The following TPST2 variants were observed in gnomAD, a reference collection of about 807,000 sequenced individuals.
The protein encoded by TPST2 is tyrosylprotein sulfotransferase 2, also known as protein-tyrosine sulfotransferase 2.
Under a neutral mutation model 27.8 loss-of-function variants are expected in TPST2, and 16 were observed. That is an observed-to-expected ratio of 0.58 (90% CI 0.39 to 0.88). The LOEUF (loss-of-function observed/expected upper bound fraction) is 0.88, where lower values mean the gene tolerates loss of function less well. TPST2 is among the 40% of genes least tolerant of loss of function. The probability of loss-of-function intolerance (pLI) is 0.00; values close to 1 mark genes in which losing one functional copy is unlikely to be tolerated. For missense variants in TPST2, 464 were observed against 543.1 expected (o/e 0.85, Z 1.45); for synonymous variants, 229 against 231.7 (o/e 0.99, Z 0.10).
At position 26,554,638 on chromosome 22, in the gene TPST2, C is replaced by A. The variant is rs192067728; in HGVS notation, c.-160-9963G>T. Among the ~76,000 whole-genome samples the A allele has an allele frequency of 6.0e-4, 91 of 152,330 alleles. 3 individuals carry two copies. The East Asian group carries it at 0.012, about 20-fold the overall frequency. ...CTGTGAAATGGGGAGGCCATTAACACTTGTGAAGACTAAATAAATAAACTT... is the reference window on the plus strand; with the variant it reads ...CTGTGAAATGGGGAGGCCATTAACAATTGTGAAGACTAAATAAATAAACTT... On this transcript the variant is annotated intron_variant, in intron 1 of 6. Coordinates refer to ENST00000338754, the MANE Select transcript of TPST2 (RefSeq NM_003595.5).
intron 1 of TPST2, among the ~76,000 whole-genome samples, chr22:26,583,225 A>T (rs1366402164): frequency 6.6e-6 from 1 of 151,508 alleles, no homozygotes; most frequent in Non-Finnish European, 1.5e-5. Context: ...ACTTGAGGTG[A>T]GGAGTTCAAG....
rs1360601610 is a variant in TPST2, at chr22:26,523,925, A to C, written c.*2350T>G. ...TGTTTTCCCAGGAAGTTCTCTGAAC[A>C]TCCAGGGTCTTCACAGATGGACTTC... On this transcript the variant is annotated 3_prime_UTR_variant, in exon 7 of 7. Transcript: ENST00000338754. 2 of 152,136 alleles carry C rather than the reference A, an allele frequency of 1.3e-5. No homozygotes were observed. Among genetic ancestry groups the C allele is most frequent in the Non-Finnish European group, 2.9e-5 (2 of 68,026 alleles). 9.4% of individuals were successfully genotyped at this position (152,136 alleles called of 1,614,324 possible).
At chr22:26,562,515 C>G (rs9608506) in intron 1 of TPST2, among the ~76,000 whole-genome samples, 35,267 of 152,086 alleles carry the variant, frequency 0.23, 4,264 homozygotes, top group Non-Finnish European at 0.26. Context: ...AGGCATAAGT[C>G]TCTTTGGAGT....
intron 1 of TPST2, among the ~76,000 whole-genome samples, chr22:26,582,359 A>G (rs1386439354): frequency 6.6e-6 from 1 of 152,138 alleles, no homozygotes; most frequent in Non-Finnish European, 1.5e-5. Context: ...CCCGGGAGGC[A>G]GAGGTTGCAG....
intron 1 of TPST2, among the ~76,000 whole-genome samples, chr22:26,571,954 T>C (rs1408152731): frequency 1.3e-5 from 2 of 152,130 alleles, no homozygotes; most frequent in Non-Finnish European, 1.5e-5. Context: ...CCTGTCCCCA[T>C]ATGGTGGCAT....
At chr22:26,587,957 A>T (rs977337559) in intron 1 of TPST2, among the ~76,000 whole-genome samples, 27 of 151,978 alleles carry the variant, frequency 1.8e-4, no homozygotes, top group Admixed American at 2.6e-4. Flanking sequence ...AAAATAAATT[A>T]AAAAAATATT....
chr22:26,550,618 G>A (rs1926416441), intron 1 of TPST2: 2 of 985,618 alleles, frequency 2.0e-6, no homozygotes, highest in African/African-American at 1.7e-5. Flanking sequence ...AGGGCCCAGT[G>A]CCCACGTGCT....
chr22:26,588,296 C>T (rs1928420523), intron 1 of TPST2, among the ~76,000 whole-genome samples: 1 of 151,808 alleles, frequency 6.6e-6, no homozygotes, highest in South Asian at 2.1e-4. Flanking sequence ...CCAAAGGCCA[C>T]ATAGTATATG....
rs142543751 is a variant in TPST2, at chr22:26,565,215, G to A, written c.-160-20540C>T. On this transcript the variant is annotated intron_variant, in intron 1 of 6. Coordinates refer to ENST00000338754, the MANE Select transcript of TPST2 (RefSeq NM_003595.5). Reference sequence around the variant, plus strand: ...GCAGAGCCAAGCAGCAAGAGATGAGGTTTCAAACCTGAGAGCGGTACAGGC... The same window carrying A: ...GCAGAGCCAAGCAGCAAGAGATGAGATTTCAAACCTGAGAGCGGTACAGGC... The A allele has an allele frequency of 4.6e-5, 7 of 152,560 alleles. No individual in the cohort carries two copies. The East Asian group carries it at 1.3e-3, about 29-fold the overall frequency. 9.5% of individuals were successfully genotyped at this position (152,560 alleles called of 1,614,324 possible).
At chr22:26,529,284 G>A (rs1024863265) in intron 5 of TPST2, among the ~76,000 whole-genome samples, 1 of 152,028 alleles carries the variant, frequency 6.6e-6, no homozygotes, top group East Asian at 1.9e-4. Flanking sequence ...GTGCCACCAC[G>A]AATGGCTAAT....
intron 1 of TPST2, among the ~76,000 whole-genome samples, chr22:26,586,943 G>A (rs1274933622): frequency 1.3e-5 from 2 of 152,218 alleles, no homozygotes; most frequent in African/African-American, 4.8e-5. Flanking sequence ...ATGTCTGTGT[G>A]TGCAGAATGT....
At chr22:26,585,264 G>A (rs1260062903) in intron 1 of TPST2, among the ~76,000 whole-genome samples, 3 of 152,162 alleles carry the variant, frequency 2.0e-5, no homozygotes, top group South Asian at 4.1e-4. Flanking sequence ...CTCGGCAGAC[G>A]GGCTGGCTGC....
chr22:26,566,840 C>A (rs968288826), intron 1 of TPST2, among the ~76,000 whole-genome samples: 33 of 152,314 alleles, frequency 2.2e-4, no homozygotes, highest in African/African-American at 6.7e-4. Flanking sequence ...TCTCTTCCCC[C>A]GCTCATATCG....
chr22:26,549,674 A>G (rs997671430), intron 1 of TPST2, among the ~76,000 whole-genome samples: 6 of 147,996 alleles, frequency 4.1e-5, no homozygotes, highest in Non-Finnish European at 6.0e-5. Context: ...AAAAAAAAAA[A>G]AGAAAAAGAA....
chr22:26,543,647 T>C (rs1370434023), intron 2 of TPST2, among the ~76,000 whole-genome samples: 1 of 152,204 alleles, frequency 6.6e-6, no homozygotes, highest in East Asian at 1.9e-4. Context: ...TTCGAAATTA[T>C]GGAGCATAAA....
chr22:26,571,673 C>G (rs1015818750), intron 1 of TPST2, among the ~76,000 whole-genome samples: 3 of 152,198 alleles, frequency 2.0e-5, no homozygotes, highest in Non-Finnish European at 4.4e-5. Context: ...TAGTCTGTCA[C>G]TTGGATGCTT....
chr22:26,553,568 A>G (rs994183681), intron 1 of TPST2, among the ~76,000 whole-genome samples: 1 of 151,994 alleles, frequency 6.6e-6, no homozygotes, highest in Non-Finnish European at 1.5e-5. Flanking sequence ...ACGGGGTCTC[A>G]CTATGTTGCC....
chr22:26,550,434 A>G (rs1926404332), intron 1 of TPST2, among the ~76,000 whole-genome samples: 1 of 152,148 alleles, frequency 6.6e-6, no homozygotes. Flanking sequence ...GACCACACTG[A>G]ATTTTGGCTC....
intron 1 of TPST2, among the ~76,000 whole-genome samples, chr22:26,588,349 G>A (rs1447681485): frequency 1.3e-5 from 2 of 152,178 alleles, no homozygotes; most frequent in Non-Finnish European, 2.9e-5. Context: ...AATTCATAGA[G>A]AATTTGAGAG....
Sources: gnomAD v4.1 joint callset for allele counts (sites outside exome capture counted in the v4.1 genomes callset) on GRCh38, gnomAD v4.1.1 for gene constraint, MANE v1.5 for transcripts, NCBI Gene and HGNC (gene_info 2026-07-23, HGNC 2026-07-21) for gene names.